Variants in AP4E1 observed in about 807,000 individuals in gnomAD.
AP4E1 encodes the protein AP-4 complex subunit epsilon-1.
In AP4E1, 56 loss-of-function variants were observed where a neutral mutation model predicts 128.2. That is an observed-to-expected ratio of 0.44 (90% CI 0.35 to 0.55). The LOEUF is 0.55. Among genes scored for constraint, AP4E1 ranks in the 20% least tolerant of loss-of-function variants. The probability of loss-of-function intolerance (pLI) is 0.00; values close to 1 mark genes in which losing one functional copy is unlikely to be tolerated. For missense variants in AP4E1, 1,324 were observed against 1,307.7 expected (o/e 1.01, Z -0.19); for synonymous variants, 484 against 473.1 (o/e 1.02, Z -0.30).
At chr15:50,989,165 A>G (rs2140922617) in intron 16 of AP4E1, among the ~76,000 whole-genome samples, 1 of 152,328 alleles carries the variant, frequency 6.6e-6, no homozygotes, top group South Asian at 2.1e-4. Context: ...TTCTGATGCG[A>G]CAGTAAAGTA....
chr15:50,926,391 C>T (rs2141149709), intron 5 of AP4E1, among the ~76,000 whole-genome samples: 1 of 152,200 alleles, frequency 6.6e-6, no homozygotes, highest in South Asian at 2.1e-4. Context: ...CTGCCTCGGC[C>T]TCCCAAAGTG....
At chr15:50,995,439 C>A (rs1248182728) in intron 17 of AP4E1, among the ~76,000 whole-genome samples, 1 of 150,180 alleles carries the variant, frequency 6.7e-6, no homozygotes, top group Non-Finnish European at 1.5e-5. Context: ...ACTCTGTTAC[C>A]CAGGCTGGAG....
intron 16 of AP4E1, among the ~76,000 whole-genome samples, chr15:50,987,712 T>C (rs1182723584): frequency 6.6e-6 from 1 of 152,194 alleles, no homozygotes; most frequent in Non-Finnish European, 1.5e-5. Flanking sequence ...AGGAGTGCTT[T>C]ACTTCCAACT....
At chr15:50,952,581 A>T (rs1387587121) in intron 13 of AP4E1, among the ~76,000 whole-genome samples, 2 of 151,694 alleles carry the variant, frequency 1.3e-5, no homozygotes, top group East Asian at 3.9e-4. Flanking sequence ...ACTCTGATTT[A>T]TGGATTTGTA....
At chr15:50,936,166 A>T (rs1384873286) in intron 8 of AP4E1, among the ~76,000 whole-genome samples, 1 of 152,200 alleles carries the variant, frequency 6.6e-6, no homozygotes, top group African/African-American at 2.4e-5. Context: ...CCTGCTATGC[A>T]GGAATAAGGG....
Position 50,929,029 on chromosome 15 carries a change from C to T in AP4E1, c.563C>T (p.Ala188Val), listed in dbSNP as rs1359639672. ...TTCAGGGAGATTGTACGAAGAAAAG[C>T]TGTTCTGGCATTATACAAATTCCAT... Reference protein sequence around the residue: ...QHSKEIVRRKAVLALYKFHLI... With the variant: ...QHSKEIVRRKVVLALYKFHLI... Residue 188 changes from alanine (A) to valine (V), a missense_variant, in exon 6 of 21, where the codon GCT (alanine) becomes GTT (valine). Coordinates refer to ENST00000261842, the MANE Select transcript of AP4E1 (RefSeq NM_007347.5). 1 of 1,613,794 alleles carries T rather than the reference C, an allele frequency of 6.2e-7. No homozygotes were observed. Among genetic ancestry groups the T allele is most frequent in the Non-Finnish European group, 8.5e-7 (1 of 1,179,852 alleles).
chr15:50,989,133 A>G (rs547699225), intron 16 of AP4E1, among the ~76,000 whole-genome samples: 2 of 152,324 alleles, frequency 1.3e-5, no homozygotes, highest in East Asian at 1.9e-4. Flanking sequence ...TTTGTGATCA[A>G]TCTGTATAAT....
intron 10 of AP4E1, among the ~76,000 whole-genome samples, chr15:50,942,197 G>T (rs1196290652): frequency 6.6e-6 from 1 of 152,210 alleles, no homozygotes; most frequent in Non-Finnish European, 1.5e-5. Flanking sequence ...GATTACAGGT[G>T]TGAGCCACTG....
intron 4 of AP4E1, among the ~76,000 whole-genome samples, chr15:50,924,401 T>G (rs2063744509): frequency 6.6e-6 from 1 of 152,102 alleles, no homozygotes; most frequent in Non-Finnish European, 1.5e-5. Context: ...AAAAGTCATT[T>G]AAAAAAAGAA....
intron 15 of AP4E1, among the ~76,000 whole-genome samples, chr15:50,975,126 C>T (rs1215249299): frequency 6.6e-6 from 1 of 152,184 alleles, no homozygotes; most frequent in African/African-American, 2.4e-5. Flanking sequence ...CTTTTACCAG[C>T]TGGGCGCGGT....
At chr15:50,997,285 A>G in intron 17 of AP4E1, 41 bp from the exon 18 acceptor site, 2 of 1,502,482 alleles carry the variant, frequency 1.3e-6, no homozygotes, top group Non-Finnish European at 1.8e-6. Context: ...CATGACTAGT[A>G]GAATGATTTC....
intron 5 of AP4E1, among the ~76,000 whole-genome samples, chr15:50,925,632 C>CTT (rs33980264): frequency 0.21 from 28,678 of 137,956 alleles, 3,480 homozygotes; most frequent in East Asian, 0.45. Context: ...TGGGAAGATG[C>CTT]TTTTTTTTTT....
chr15:50,936,164 G>C (rs1237959650), intron 8 of AP4E1, among the ~76,000 whole-genome samples: 1 of 152,178 alleles, frequency 6.6e-6, no homozygotes, highest in African/African-American at 2.4e-5. Context: ...TTCCTGCTAT[G>C]CAGGAATAAG....
chr15:50,998,959 C>A, intron 18 of AP4E1, 113 bp from the exon 19 acceptor site: 1 of 968,820 alleles, frequency 1.0e-6, no homozygotes, highest in Non-Finnish European at 1.6e-6. Context: ...TTGTTATTAA[C>A]TTCCCATATT....
At chr15:50,925,684 CA>C (rs1274648885) in intron 5 of AP4E1, among the ~76,000 whole-genome samples, 1 of 147,968 alleles carries the variant, frequency 6.8e-6, no homozygotes, top group Non-Finnish European at 1.5e-5. Flanking sequence ...GGCTGGAGTG[CA>C]ATGGCATGAA....
At chr15:50,967,612 A>G (rs2064411395) in intron 14 of AP4E1, among the ~76,000 whole-genome samples, 1 of 152,250 alleles carries the variant, frequency 6.6e-6, no homozygotes, top group South Asian at 2.1e-4. Flanking sequence ...GGTGGGTTAC[A>G]GTTCTGCTCA....
chr15:50,914,763 C>G (rs1432394809), intron 2 of AP4E1, among the ~76,000 whole-genome samples: 1 of 151,336 alleles, frequency 6.6e-6, no homozygotes, highest in Non-Finnish European at 1.5e-5. Flanking sequence ...ATGCAAATAT[C>G]TTAGTGATAA....
upstream of AP4E1, chr15:50,908,642 A>C (rs2306329): frequency 0.2 from 232,433 of 1,139,312 alleles, 24,468 homozygotes; most frequent in South Asian, 0.23. Context: ...GAACTTGTTC[A>C]GGTGGGACGC....
chr15:50,968,553 G>T (rs2064428547), intron 15 of AP4E1, among the ~76,000 whole-genome samples, 176 bp downstream of exon 15: 1 of 152,074 alleles, frequency 6.6e-6, no homozygotes. Context: ...AAAAAAGTTA[G>T]CCAAGAGATA....
Sources: gnomAD v4.1 joint callset for allele counts (sites outside exome capture counted in the v4.1 genomes callset) on GRCh38, gnomAD v4.1.1 for gene constraint, MANE v1.5 for transcripts, NCBI Gene and HGNC (gene_info 2026-07-23, HGNC 2026-07-21) for gene names.